The following DMBT1 variants were observed in gnomAD, a reference collection of about 807,000 sequenced individuals.
DMBT1 encodes the protein deleted in malignant brain tumors 1, also known as scavenger receptor cysteine-rich domain-containing protein DMBT1.
A neutral mutation model predicts 252.9 loss-of-function variants in DMBT1; 198 were observed. The ratio of observed to expected loss-of-function variants is 0.78; its 90% confidence interval spans 0.70 to 0.88. The LOEUF (loss-of-function observed/expected upper bound fraction) is 0.88, where lower values mean the gene tolerates loss of function less well. DMBT1 is among the 40% of genes least tolerant of loss of function. The pLI is 0.00. For missense variants in DMBT1, 2,432 were observed against 2,404.7 expected, an observed-to-expected ratio of 1.01 and a Z score of -0.24; for synonymous variants, 990 against 942.7, an observed-to-expected ratio of 1.05 and a Z score of -0.92.
chr10:122,633,714 G>A (rs181158949), intron 52 of DMBT1, among the ~76,000 whole-genome samples: 274 of 152,332 alleles, frequency 1.8e-3, no homozygotes, highest in African/African-American at 6.4e-3. Flanking sequence ...GGAAGGTCAC[G>A]AGAAACAGAG....
rs374958699 is a variant in DMBT1 at position 122,617,245 on chromosome 10, C to T, written c.4876C>T (p.Arg1626Cys). 15 of 1,609,766 alleles carry T rather than the reference C, an allele frequency of 9.3e-6. No homozygotes were observed. The highest frequency in any genetic ancestry group is 2.7e-5 in the African/African-American group (2 of 74,258). ...ATTTACAGACACTTGGCCAACCTCT[C>T]GTGCATCAACAGCAGGTAAACAATC... is the stretch of plus-strand genomic sequence containing the variant. Reference protein sequence around the residue: ...TPSPDTWPTSRASTAGSESTL... With the variant: ...TPSPDTWPTSCASTAGSESTL... Residue 1626 changes from arginine (R) to cysteine (C), a missense_variant, in exon 40 of 56, where the codon CGT (arginine) becomes TGT (cysteine). Around this residue, in one of 3 missense-constraint regions of DMBT1, gnomAD observed 1,162 missense variants for 1,169.0 expected, o/e 0.99. Transcript: ENST00000338354.
chr10:122,593,589 C>T lies in DMBT1; in HGVS notation c.2521C>T (p.Pro841Ser), dbSNP rs768169982. Residue 841 changes from proline (P) to serine (S), a missense_variant, in exon 21 of 56, where the codon CCC (proline) becomes TCC (serine). Around this residue, in one of 3 missense-constraint regions of DMBT1, gnomAD observed 1,264 missense variants for 1,082.2 expected, o/e 1.17. Coordinates refer to ENST00000338354, the MANE Select transcript of DMBT1 (RefSeq NM_001377530.1). ...ICSVSQSRPT[P>S]SPDTWPTSHA... Reference sequence around the variant, plus strand: ...CACAGTTTCCCAGTCCCGGCCGACACCCAGTCCAGGTAGGTCCCCAGTGTC... The same window carrying T: ...CACAGTTTCCCAGTCCCGGCCGACATCCAGTCCAGGTAGGTCCCCAGTGTC... 6.9e-6 allele frequency: 11 copies of T among 1,587,906 alleles called. 1 individual carries two copies. Among genetic ancestry groups the T allele is most frequent in the South Asian group, 2.3e-5 (2 of 87,588 alleles).
intron 2 of DMBT1, among the ~76,000 whole-genome samples, chr10:122,568,041 C>T (rs3019527): frequency 0.67 from 101,876 of 151,962 alleles, 34,516 homozygotes; most frequent in East Asian, 0.77. Context: ...AGAGCAGACA[C>T]TGAGGATTCA....
rs1844882676 is a variant in DMBT1 at position 122,643,203 on chromosome 10, C to A, written c.7434C>A (p.Phe2478Leu). 1 of 1,613,886 alleles carries A rather than the reference C, an allele frequency of 6.2e-7. No homozygotes were observed. The highest frequency in any genetic ancestry group is 1.3e-5 in the African/African-American group (1 of 74,926). Residue 2478 changes from phenylalanine (F) to leucine (L), a missense_variant, in exon 56 of 56, where the codon TTC becomes TTA. Physicochemically the swap from Phe to Leu is conservative, Grantham distance 22. Coordinates refer to ENST00000338354, the MANE Select transcript of DMBT1 (RefSeq NM_001377530.1). Reference sequence around the variant, plus strand: ...GCTTCCGGTTCAGGGCCTTCCACTTCCTGAACCGCTTCCCCTCCGTGTACC... The same window carrying A: ...GCTTCCGGTTCAGGGCCTTCCACTTACTGAACCGCTTCCCCTCCGTGTACC... ...IARFRFRAFH[F>L]LNRFPSVYLR... is the part of the protein sequence containing the mutation.
chr10:122,621,188 G>T lies in DMBT1; in HGVS notation c.5416G>T (p.Val1806Phe), dbSNP rs1344807932. ...DSWDTNDANV[V>F]CRQLGCGWAM... ...CTGGGACACCAATGATGCCAATGTG[G>T]TCTGCAGGCAGCTGGGCTGTGGCTG... Residue 1806 changes from valine (V) to phenylalanine (F), a missense_variant, in exon 44 of 56, where the codon GTC becomes TTC. Physicochemically the swap from Val to Phe is conservative, Grantham distance 50. Around this residue, in one of 3 missense-constraint regions of DMBT1, gnomAD observed 1,162 missense variants for 1,169.0 expected, o/e 0.99. Coordinates refer to ENST00000338354, the MANE Select transcript of DMBT1 (RefSeq NM_001377530.1). 7.4e-6 allele frequency: 12 copies of T among 1,613,782 alleles called. No homozygotes were observed. The South Asian group carries it at 1.3e-4, about 18-fold the overall frequency.
Position 122,643,366 on chromosome 10 carries a change from A to AC in DMBT1, c.7604dup (p.Arg2536ThrfsTer79), listed in dbSNP as rs758466994. The AC allele has an allele frequency of 3.1e-6, 5 of 1,611,174 alleles. No homozygotes were observed. On this transcript the variant is annotated frameshift_variant, in exon 56 of 56. Transcript: ENST00000338354. LOFTEE classifies it low-confidence loss of function (END_TRUNC). The stretch of plus-strand genomic sequence containing the variant: ...CGTCCTGGGTCCCATCCAGCTGCAG[A>AC]CCCCCCCACGCCGAGAAGAGGAGCC...
chr10:122,579,748 C>T lies in DMBT1; in HGVS notation c.850C>T (p.Pro284Ser). Residue 284 changes from proline to serine, a missense_variant, in exon 10 of 56, where the codon CCA becomes TCA. Coordinates refer to ENST00000338354, the MANE Select transcript of DMBT1 (RefSeq NM_001377530.1). ...GGGCTGTGGCTGGGCCATGTCAGCCCCAGGAAATGCCCAGTTTGGCCAGGG... is the reference window on the plus strand; with the variant it reads ...GGGCTGTGGCTGGGCCATGTCAGCCTCAGGAAATGCCCAGTTTGGCCAGGG... ...QLGCGWAMSA[P>S]GNAQFGQGSG... is the part of the protein sequence containing the mutation. 6.2e-7 allele frequency: 1 copy of T among 1,613,794 alleles called. No individual in the cohort carries two copies. Among genetic ancestry groups the T allele is most frequent in the Non-Finnish European group, 8.5e-7 (1 of 1,179,766 alleles).
intron 48 of DMBT1, 67 bp downstream of exon 48, chr10:122,630,557 C>T (rs2098154677): frequency 1.3e-6 from 2 of 1,504,418 alleles, no homozygotes; most frequent in Admixed American, 1.7e-5. Flanking sequence ...TTGGGGGCAC[C>T]ATGGTTCCCC....
At chr10:122,639,072 C>G (rs1254515647) in intron 54 of DMBT1, among the ~76,000 whole-genome samples, 1 of 152,252 alleles carries the variant, frequency 6.6e-6, no homozygotes, top group African/African-American at 2.4e-5. Context: ...GAGCTTCCCA[C>G]AGCTCCACCA....
chr10:122,572,216 G>C, intron 4 of DMBT1, 98 bp from the exon 5 acceptor site: 1 of 1,538,618 alleles, frequency 6.5e-7, no homozygotes, highest in Non-Finnish European at 9.0e-7. Flanking sequence ...TTTAGGACCT[G>C]TGTTTCCAGC....
Position 122,585,724 on chromosome 10 carries a change from A to G in DMBT1, c.1460-336A>G, listed in dbSNP as rs564070364. Among the ~76,000 whole-genome samples the G allele has an allele frequency of 1.0e-3, 153 of 148,580 alleles. 6 individuals are homozygous for G. Among genetic ancestry groups the G allele is most frequent in the African/African-American group, 3.6e-3 (149 of 41,230 alleles). On this transcript the variant is annotated intron_variant, in intron 15 of 55. Coordinates refer to ENST00000338354, the MANE Select transcript of DMBT1 (RefSeq NM_001377530.1). ...ATTTTCAGAAGCCAGACAGGACCAT[A>G]GGATTGCCACCAAGCTCCTGAGATG...
rs1025311111 is a variant in DMBT1 at position 122,643,646 on chromosome 10, A to G, written c.*248A>G. On this transcript the variant is annotated 3_prime_UTR_variant, in exon 56 of 56. Coordinates refer to ENST00000338354, the MANE Select transcript of DMBT1 (RefSeq NM_001377530.1). ...CCATAGACCTGACGTCCCAGAATCC[A>G]TGCTTCTCATCTGCAAAATGAAAAT... is the stretch of plus-strand genomic sequence containing the variant. 3.8e-5 allele frequency: 21 copies of G among 549,306 alleles called. No homozygotes were observed. The highest frequency in any genetic ancestry group is 2.2e-4 in the Admixed American group (7 of 32,556). The allele number at this position is 549,306 out of a possible 1,614,324, so 34.0% of individuals were successfully genotyped here.
intron 8 of DMBT1, 149 bp downstream of exon 8, chr10:122,577,989 G>C (rs1048004536): frequency 1.2e-6 from 1 of 812,190 alleles, no homozygotes. Context: ...CTAGCATGGG[G>C]CTTCTTAACC....
In DMBT1 at chr10:122,579,890, T is replaced by C. The variant is rs1424337585; in HGVS notation, c.992T>C (p.Val331Ala). ...TGTGGCCATAGTGAAGACGCTGGTG[T>C]CATCTGCTCAGGTGGGCCTTCAAGA... is the stretch of plus-strand genomic sequence containing the variant. ...HNCGHSEDAG[V>A]ICSAPQSRPT... The change falls in exon 10 of 56, where the codon GTC becomes GCC. Residue 331 changes from valine to alanine, a missense_variant. Physicochemically the swap from Val to Ala is moderately conservative, Grantham distance 64 (BLOSUM62 0). Transcript: ENST00000338354. 1 of 1,613,854 alleles carries C rather than the reference T, an allele frequency of 6.2e-7. No individual in the cohort carries two copies. Among genetic ancestry groups the C allele is most frequent in the Admixed American group, 1.7e-5 (1 of 60,026 alleles).
rs754269638 is a variant in DMBT1 at position 122,579,588 on chromosome 10, C to A, written c.690C>A (p.Ser230=). 8.7e-6 allele frequency: 14 copies of A among 1,612,930 alleles called. No homozygotes were observed. The East Asian group carries it at 2.2e-4, about 26-fold the overall frequency. ...TGTGTTCCCCTGTAGGATCTGAATC[C>A]AGTTTGGCCCTGAGGCTGGTGAATG... The part of the protein sequence containing the change: ...SPPVPTEGSE[S]SLALRLVNGG... The change falls in exon 10 of 56, where the codon TCC becomes TCA. Residue 230 remains serine, a synonymous_variant. Coordinates refer to ENST00000338354, the MANE Select transcript of DMBT1 (RefSeq NM_001377530.1).
chr10:122,639,890 T>C lies in DMBT1; in HGVS notation c.6943-150T>C. 5 of 930,844 alleles carry C rather than the reference T, an allele frequency of 5.4e-6. No individual in the cohort carries two copies. The South Asian group carries it at 8.8e-5, about 16-fold the overall frequency. 57.7% of individuals were successfully genotyped at this position (930,844 alleles called of 1,614,324 possible). A position where few individuals can be genotyped will look rare whatever the true frequency, so the allele number is the denominator to read the frequency against. ...CCTGTGCTGGCTCATAGCCAAAGGA[T>C]AGGCACGTGCCATGGCCATCTCTGA... is the stretch of plus-strand genomic sequence containing the variant. On this transcript the variant is annotated intron_variant, in intron 54 of 55. Transcript: ENST00000338354.
Position 122,637,249 on chromosome 10 carries a change from C to T in DMBT1, c.6879C>T (p.Pro2293=). The T allele has an allele frequency of 6.2e-7, 1 of 1,613,982 alleles. No homozygotes were observed. The highest frequency in any genetic ancestry group is 1.1e-5 in the South Asian group (1 of 91,068). The change falls in exon 54 of 56, where the codon CCC becomes CCT. Residue 2293 remains proline (P), a synonymous_variant. Transcript: ENST00000338354. The stretch of plus-strand genomic sequence containing the variant: ...GGAATGGATACTACGAGTGTCGGCC[C>T]CAGATAACGCCGAACCTGGTGATAT... ...STWNGYYECR[P]QITPNLVIFT...
intron 26 of DMBT1, among the ~76,000 whole-genome samples, chr10:122,599,842 G>C (rs548997679): frequency 1.3e-5 from 2 of 151,862 alleles, no homozygotes; most frequent in Admixed American, 6.5e-5. Flanking sequence ...ACCCTGGGCA[G>C]ACACAAGTTG....
chr10:122,571,010 C>G, intron 4 of DMBT1, 73 bp downstream of exon 4: 6 of 1,541,932 alleles, frequency 3.9e-6, no homozygotes, highest in Non-Finnish European at 5.4e-6. Context: ...CTGATTCAGA[C>G]GAGGTGCAGA....
Sources: gnomAD v4.1 joint callset for allele counts (sites outside exome capture counted in the v4.1 genomes callset) on GRCh38, gnomAD v4.1.1 for gene constraint, gnomAD v4.1.1 regional missense constraint, MANE v1.5 for transcripts, NCBI Gene and HGNC (gene_info 2026-07-23, HGNC 2026-07-21) for gene names.